LRP1B: variants seen among roughly 807,000 people sequenced by gnomAD.
LRP1B encodes the protein low-density lipoprotein receptor-related protein 1B.
Under a neutral mutation model 556.6 loss-of-function variants are expected in LRP1B, and 217 were observed. The observed-to-expected ratio is 0.39, with a 90% CI of 0.35 to 0.44. The LOEUF is 0.44. Among genes scored for constraint, LRP1B ranks in the 20% least tolerant of loss-of-function variants. The pLI, the probability that LRP1B is intolerant of heterozygous loss-of-function variation, is 1.00. For synonymous variants in LRP1B, 2,047 were observed against 1,865.8 expected, an observed-to-expected ratio of 1.10 and a Z score of -2.50; for missense variants, 5,053 against 5,620.8, an observed-to-expected ratio of 0.90 and a Z score of 3.23.
At chr2:141,627,065 C>A (rs1373382942) in intron 2 of LRP1B, among the ~76,000 whole-genome samples, 1 of 152,194 alleles carries the variant, frequency 6.6e-6, no homozygotes, top group African/African-American at 2.4e-5. Context: ...TCAGAGGTGA[C>A]TGGATAAGTA....
At chr2:140,786,484 A>T (rs1689905581) in intron 32 of LRP1B, among the ~76,000 whole-genome samples, 1 of 152,174 alleles carries the variant, frequency 6.6e-6, no homozygotes, top group South Asian at 2.1e-4. Context: ...GCAGTCTGTT[A>T]GTCTATTAGC....
At chr2:141,495,169 C>T (rs1457035229) in intron 2 of LRP1B, among the ~76,000 whole-genome samples, 2 of 152,148 alleles carry the variant, frequency 1.3e-5, no homozygotes, top group African/African-American at 2.4e-5. Flanking sequence ...CCTCATCACT[C>T]TATCCTGTTT....
At chr2:141,855,477 C>T (rs16847381) in intron 1 of LRP1B, among the ~76,000 whole-genome samples, 2,937 of 152,096 alleles carry the variant, frequency 0.019, 74 homozygotes, top group South Asian at 0.062. Flanking sequence ...ATTGTGATCC[C>T]GGAAATGTTC....
chr2:141,170,609 T>G (rs1423081901), intron 7 of LRP1B, among the ~76,000 whole-genome samples: 1 of 152,058 alleles, frequency 6.6e-6, no homozygotes, highest in Non-Finnish European at 1.5e-5. Context: ...AACCCTTCAT[T>G]ACAACAATGG....
At chr2:141,299,506 A>G (rs58134923) in intron 3 of LRP1B, among the ~76,000 whole-genome samples, 310 of 152,340 alleles carry the variant, frequency 2.0e-3, no homozygotes, top group African/African-American at 7.0e-3. Context: ...TTGTATTATA[A>G]TTTAGATAGT....
At chr2:142,088,985 A>G (rs536500975) in intron 1 of LRP1B, among the ~76,000 whole-genome samples, 910 of 67,848 alleles carry the variant, frequency 0.013, 14 homozygotes, top group African/African-American at 0.037. Context: ...AAAAAAAAAA[A>G]AAAAAAAAAA....
At chr2:141,317,992 C>T (rs12995322) in intron 3 of LRP1B, among the ~76,000 whole-genome samples, 40,042 of 151,910 alleles carry the variant, frequency 0.26, 5,961 homozygotes, top group Middle Eastern at 0.45. Context: ...CATTCTTGCA[C>T]TGTCAGTCCC....
chr2:141,860,948 T>C lies in LRP1B; in HGVS notation c.83-50547A>G, dbSNP rs537513922. Among the ~76,000 whole-genome samples the C allele has an allele frequency of 7.9e-5, 12 of 152,346 alleles. 1 individual carries two copies. Among genetic ancestry groups the C allele is most frequent in the African/African-American group, 2.6e-4 (11 of 41,588 alleles). ...TTCCTTGGCAAATTCTTTGCTTTTCTTTTCCACACTAAGATAATTTCTGCC... is the reference window on the plus strand; with the variant it reads ...TTCCTTGGCAAATTCTTTGCTTTTCCTTTCCACACTAAGATAATTTCTGCC... On this transcript the variant is annotated intron_variant, in intron 1 of 90. Transcript: ENST00000389484.
chr2:140,544,935 C>T (rs1232144960), intron 43 of LRP1B, among the ~76,000 whole-genome samples: 1 of 151,656 alleles, frequency 6.6e-6, no homozygotes, highest in Non-Finnish European at 1.5e-5. Flanking sequence ...TTTTCTTTTT[C>T]TCTACAACCT....
At chr2:141,150,680 C>T (rs1701899043) in intron 7 of LRP1B, among the ~76,000 whole-genome samples, 1 of 152,164 alleles carries the variant, frequency 6.6e-6, no homozygotes, top group Non-Finnish European at 1.5e-5. Context: ...ATCCCTGTTG[C>T]TAGTCTTGTG....
At chr2:141,035,398 T>C (rs1381270315) in intron 11 of LRP1B, among the ~76,000 whole-genome samples, 4 of 152,022 alleles carry the variant, frequency 2.6e-5, no homozygotes, top group Non-Finnish European at 5.9e-5. Flanking sequence ...AGTATTGTTA[T>C]AGAGTGCAAA....
At chr2:142,003,212 T>TGCAA (rs1376340675) in intron 1 of LRP1B, among the ~76,000 whole-genome samples, 5 of 152,242 alleles carry the variant, frequency 3.3e-5, no homozygotes, top group Non-Finnish European at 7.3e-5. Context: ...ACTTACCATA[T>TGCAA]GCAAGGTCCT....
At chr2:140,747,589 G>A (rs533788751) in intron 35 of LRP1B, among the ~76,000 whole-genome samples, 74 of 152,220 alleles carry the variant, frequency 4.9e-4, no homozygotes, top group African/African-American at 1.7e-3. Flanking sequence ...AATTTGCAAG[G>A]AAAACATGTG....
chr2:141,443,089 C>G (rs1282649545), intron 3 of LRP1B, among the ~76,000 whole-genome samples: 1 of 152,186 alleles, frequency 6.6e-6, no homozygotes, highest in African/African-American at 2.4e-5. Context: ...TCTCCAGCAT[C>G]TGTTGCTTCC....
Position 141,372,931 on chromosome 2 carries a change from T to G in LRP1B, c.343+107465A>C, listed in dbSNP as rs562556537. ...TTTGGATTTGGTTCGTTCTTGTTTTTTCCAGTTAATTGAGGTGCAACATTA... is the reference window on the plus strand; with the variant it reads ...TTTGGATTTGGTTCGTTCTTGTTTTGTCCAGTTAATTGAGGTGCAACATTA... On this transcript the variant is annotated intron_variant, in intron 3 of 90. Coordinates refer to ENST00000389484, the MANE Select transcript of LRP1B (RefSeq NM_018557.3). 3.5e-4 allele frequency among the ~76,000 whole-genome samples: 53 copies of G among 152,110 alleles called. 1 individual carries two copies. The highest frequency in any genetic ancestry group is 7.2e-4 in the Non-Finnish European group (49 of 67,982).
At position 140,456,483 on chromosome 2, in the gene LRP1B, G is replaced by A. The variant is rs2105321809; in HGVS notation, c.9935C>T (p.Thr3312Ile). 6.2e-7 allele frequency: 1 copy of A among 1,613,352 alleles called. No individual in the cohort carries two copies. ...GCTGGCTGTGCAGTTGGATAAGCAA[G>A]TCCTATTATCAGCTGCCAGATAGAA... ...TNFYLAADNR[T>I]CLSNCTASQF... The change falls in exon 62 of 91, where the codon ACT becomes ATT. Residue 3312 changes from threonine (T) to isoleucine (I), a missense_variant. Thr to Ile is a moderately conservative substitution (Grantham distance 89). This residue lies in a region of LRP1B where 262 missense variants were observed against 395.1 expected (regional missense o/e 0.66). Coordinates refer to ENST00000389484, the MANE Select transcript of LRP1B (RefSeq NM_018557.3).
At chr2:141,979,023 T>C (rs1701968957) in intron 1 of LRP1B, among the ~76,000 whole-genome samples, 1 of 151,846 alleles carries the variant, frequency 6.6e-6, no homozygotes. Context: ...TCTATAGTTT[T>C]TGAGAATTAA....
intron 41 of LRP1B, among the ~76,000 whole-genome samples, chr2:140,654,025 CAA>C (rs61199077): frequency 0.025 from 867 of 35,264 alleles, 10 homozygotes; most frequent in African/African-American, 0.076. Context: ...GACTCCATCT[CAA>C]AAAAAAAAAA....
At chr2:140,914,974 GAGAGGTTT>G (rs1303388659) in intron 21 of LRP1B, among the ~76,000 whole-genome samples, 1 of 152,148 alleles carries the variant, frequency 6.6e-6, no homozygotes, top group Non-Finnish European at 1.5e-5. Context: ...CGATAATGTA[GAGAGGTTT>G]AGTAACTTAT....
Sources: allele counts gnomAD v4.1 joint callset (sites outside exome capture counted in the v4.1 genomes callset), GRCh38; gene constraint gnomAD v4.1.1; regional missense constraint gnomAD v4.1.1; transcripts MANE v1.5; gene names NCBI Gene and HGNC (gene_info 2026-07-23, HGNC 2026-07-21).